Variants in RHOT1 observed in about 807,000 individuals in gnomAD.
The protein encoded by RHOT1 is ras homolog family member T1.
RHOT1 carries 27 observed loss-of-function variants against 95.3 expected under a neutral mutation model. The observed-to-expected ratio is 0.28, with a 90% confidence interval of 0.21 to 0.39. RHOT1 has a LOEUF of 0.39. Ranked by LOEUF, RHOT1 falls within the 10% of genes least tolerant of loss-of-function variation. The pLI is 1.00. For synonymous variants in RHOT1, 227 were observed against 263.5 expected, an observed-to-expected ratio of 0.86 and a Z score of 1.34; for missense variants, 578 against 786.7, an observed-to-expected ratio of 0.73 and a Z score of 3.17.
At chr17:32,147,070 A>G (rs1014136182) in intron 1 of RHOT1, among the ~76,000 whole-genome samples, 3 of 149,452 alleles carry the variant, frequency 2.0e-5, no homozygotes, top group Non-Finnish European at 4.4e-5. Flanking sequence ...TTTGAGGCAG[A>G]GTCTCACCCT....
At chr17:32,145,506 A>G (rs944953460) in intron 1 of RHOT1, among the ~76,000 whole-genome samples, 4 of 152,152 alleles carry the variant, frequency 2.6e-5, no homozygotes, top group African/African-American at 7.2e-5. Flanking sequence ...CTGCCAAACT[A>G]CTTCAAAATT....
chr17:32,183,054 C>T (rs1483681213), intron 7 of RHOT1, 117 bp from the exon 8 acceptor site: 4 of 835,166 alleles, frequency 4.8e-6, no homozygotes, highest in Non-Finnish European at 7.5e-6. Flanking sequence ...GTGATGTCCA[C>T]AAAGATGCAT....
chr17:32,183,079 C>A, intron 7 of RHOT1, 92 bp from the exon 8 acceptor site: 1 of 1,140,756 alleles, frequency 8.8e-7, no homozygotes, highest in Non-Finnish European at 1.3e-6. Context: ...CGTTTTTTTT[C>A]AAGGAATCTT....
intron 19 of RHOT1, among the ~76,000 whole-genome samples, chr17:32,218,224 C>T (rs1598473588): frequency 6.6e-6 from 1 of 152,174 alleles, no homozygotes; most frequent in East Asian, 1.9e-4. Flanking sequence ...CGCAGTGGCT[C>T]ATGCGTCTAA....
intron 8 of RHOT1, among the ~76,000 whole-genome samples, chr17:32,190,041 A>G (rs2036366880): frequency 6.6e-6 from 1 of 152,074 alleles, no homozygotes; most frequent in South Asian, 2.1e-4. Context: ...TATTAAGTAG[A>G]ATTTTTAATA....
At chr17:32,142,764 C>T in intron 1 of RHOT1, 35 bp downstream of exon 1, 1 of 1,478,664 alleles carries the variant, frequency 6.8e-7, no homozygotes, top group South Asian at 1.4e-5. Context: ...CCCTGAGTCC[C>T]TGCCCTCCCT....
chr17:32,149,504 T>G (rs1339177582), intron 1 of RHOT1, among the ~76,000 whole-genome samples: 1 of 88,882 alleles, frequency 1.1e-5, no homozygotes, highest in African/African-American at 8.0e-5. Context: ...TTCATTATCT[T>G]TAGCATAGTC....
At chr17:32,174,863 A>G (rs1047582037) in intron 3 of RHOT1, among the ~76,000 whole-genome samples, 2 of 152,142 alleles carry the variant, frequency 1.3e-5, no homozygotes, top group East Asian at 3.9e-4. Flanking sequence ...TCATCACTTC[A>G]TTATCAAGCT....
intron 1 of RHOT1, chr17:32,159,519 AG>A (rs2033328699): frequency 6.6e-6 from 1 of 152,274 alleles, no homozygotes; most frequent in Non-Finnish European, 1.5e-5. Context: ...GCATCTCTGC[AG>A]TCTAAGGGGC....
At chr17:32,203,244 A>T (rs73268523) in intron 15 of RHOT1, among the ~76,000 whole-genome samples, 1,639 of 144,338 alleles carry the variant, frequency 0.011, 33 homozygotes, top group African/African-American at 0.041. Context: ...GAAGAAGAAG[A>T]CATATTTCTT....
intron 3 of RHOT1, 135 bp from the exon 4 acceptor site, chr17:32,175,184 C>T: frequency 1.4e-6 from 1 of 707,760 alleles, no homozygotes; most frequent in East Asian, 2.7e-5. Flanking sequence ...TTTTCCTTCC[C>T]CTGGCTTTCC....
chr17:32,151,464 AAG>A (rs1321204867), intron 1 of RHOT1: 2 of 624,112 alleles, frequency 3.2e-6, no homozygotes, highest in African/African-American at 3.7e-5. Context: ...CTGTTGATGA[AAG>A]AGTCTAGCTA....
chr17:32,199,826 G>A lies in RHOT1; in HGVS notation c.1100+276G>A, dbSNP rs553364265. 2.6e-5 allele frequency among the ~76,000 whole-genome samples: 4 copies of A among 152,236 alleles called. No homozygotes were observed. In the South Asian group the frequency reaches 8.3e-4, roughly 32 times the overall value. On this transcript the variant is annotated intron_variant, in intron 13 of 19. Coordinates refer to ENST00000545287, the MANE Select transcript of RHOT1 (RefSeq NM_001033566.3). ...TTAGCACTTTTTTGTTTGATTAAGG[G>A]AATTGGAAATGTCATTGCTGTTGCA...
chr17:32,202,752 T>A lies in RHOT1; in HGVS notation c.1202-18T>A, dbSNP rs755983577. ...GTGGTACATATTTAGTGGGGTTTTT[T>A]ATTATTATTATTTTTAGTGACAAGA... On this transcript the variant is annotated intron_variant, in intron 14 of 19. Coordinates refer to ENST00000545287, the MANE Select transcript of RHOT1 (RefSeq NM_001033566.3). 32 of 1,536,932 alleles carry A rather than the reference T, an allele frequency of 2.1e-5. No homozygotes were observed. The South Asian group carries it at 3.5e-4, about 17-fold the overall frequency.
At chr17:32,213,454 A>G (rs61594869) in intron 19 of RHOT1, among the ~76,000 whole-genome samples, 153 of 152,326 alleles carry the variant, frequency 1.0e-3, no homozygotes, top group African/African-American at 3.6e-3. Context: ...ACTCTTTGTC[A>G]ATGACAGGTT....
chr17:32,156,378 C>A (rs1196439356), intron 1 of RHOT1, among the ~76,000 whole-genome samples: 1 of 152,198 alleles, frequency 6.6e-6, no homozygotes, highest in Non-Finnish European at 1.5e-5. Flanking sequence ...ATGATCCTCC[C>A]ACCTCAGCCT....
intron 1 of RHOT1, among the ~76,000 whole-genome samples, chr17:32,165,740 C>G (rs78799933): frequency 9.7e-4 from 148 of 151,984 alleles, no homozygotes; most frequent in African/African-American, 3.5e-3. Flanking sequence ...AATGACAAAC[C>G]ATAAAATAAT....
At chr17:32,161,394 G>C (rs570252545) in intron 1 of RHOT1, among the ~76,000 whole-genome samples, 1 of 152,284 alleles carries the variant, frequency 6.6e-6, no homozygotes, top group Admixed American at 6.5e-5. Context: ...GCCAATTGTA[G>C]GCTCTATTAT....
intron 1 of RHOT1, among the ~76,000 whole-genome samples, chr17:32,161,394 G>T (rs570252545): frequency 1.3e-5 from 2 of 152,284 alleles, no homozygotes; most frequent in Admixed American, 1.3e-4. Flanking sequence ...GCCAATTGTA[G>T]GCTCTATTAT....
Sources: gnomAD v4.1 joint callset for allele counts (sites outside exome capture counted in the v4.1 genomes callset) on GRCh38, gnomAD v4.1.1 for gene constraint, MANE v1.5 for transcripts, NCBI Gene and HGNC (gene_info 2026-07-23, HGNC 2026-07-21) for gene names.